The following LTBP1 variants were observed in gnomAD, a reference collection of about 807,000 sequenced individuals.
The protein encoded by LTBP1 is latent transforming growth factor beta binding protein 1.
LTBP1 carries 129 observed loss-of-function variants against 207.6 expected under a neutral mutation model. That is an observed-to-expected ratio of 0.62 (90% confidence interval 0.54 to 0.72). The LOEUF is 0.72. Ranked by LOEUF, LTBP1 falls within the 30% of genes least tolerant of loss-of-function variation. The probability of loss-of-function intolerance (pLI) is 0.00; values close to 1 mark genes in which losing one functional copy is unlikely to be tolerated. For missense variants in LTBP1, 2,281 were observed against 2,217.2 expected (o/e 1.03, Z -0.58); for synonymous variants, 963 against 833.7 (o/e 1.16, Z -2.67).
rs1686035335 is a variant in LTBP1 at position 33,001,302 on chromosome 2, CA to C, written c.566-19606del. On this transcript the variant is annotated intron_variant, in intron 2 of 33. Transcript: ENST00000404816. ...GCTGTGGCTTTCAAATATTTTTCTG[CA>C]CGAGAATCATCTGGAGAGCTTGTTA... is the stretch of plus-strand genomic sequence containing the variant. 1.5e-5 allele frequency among the ~76,000 whole-genome samples: 2 copies of C among 134,952 alleles called. 1 individual carries two copies. The highest frequency in any genetic ancestry group is 3.3e-5 in the Non-Finnish European group (2 of 61,378). 88.5% of individuals were successfully genotyped at this position (134,952 alleles called of 152,430 possible).
At chr2:33,138,594 CCTT>C (rs1485852966) in intron 5 of LTBP1, among the ~76,000 whole-genome samples, 7 of 152,018 alleles carry the variant, frequency 4.6e-5, no homozygotes, top group African/African-American at 1.4e-4. Flanking sequence ...ATGCAGATGA[CCTT>C]CTGGGATTTT....
intron 3 of LTBP1, among the ~76,000 whole-genome samples, chr2:33,082,747 C>T (rs1457143971): frequency 1.3e-5 from 2 of 152,056 alleles, no homozygotes; most frequent in African/African-American, 4.8e-5. Context: ...GATCATAACT[C>T]CGTTTATATT....
chr2:33,194,445 A>T (rs1248971691), intron 7 of LTBP1, among the ~76,000 whole-genome samples: 1 of 152,374 alleles, frequency 6.6e-6, no homozygotes, highest in Middle Eastern at 3.4e-3. Context: ...TACTCCAGAG[A>T]GTACATGAAT....
intron 3 of LTBP1, among the ~76,000 whole-genome samples, chr2:33,078,856 TC>T (rs1364575321): frequency 1.4e-4 from 9 of 62,072 alleles, no homozygotes; most frequent in Non-Finnish European, 3.5e-4. Flanking sequence ...TCTTTTCTTT[TC>T]TTTTCTTTTT....
chr2:33,088,281 A>G (rs1278564708), intron 3 of LTBP1, among the ~76,000 whole-genome samples: 2 of 152,084 alleles, frequency 1.3e-5, no homozygotes. Flanking sequence ...GCGAAACCCC[A>G]TTTCTACTAA....
chr2:33,073,251 A>G (rs1293470548), intron 3 of LTBP1, among the ~76,000 whole-genome samples: 5 of 151,114 alleles, frequency 3.3e-5, no homozygotes, highest in African/African-American at 9.7e-5. Flanking sequence ...ATTCTTTTGT[A>G]TGTAATCACA....
chr2:33,107,723 A>G (rs1306047838), intron 3 of LTBP1, among the ~76,000 whole-genome samples: 3 of 152,090 alleles, frequency 2.0e-5, no homozygotes, highest in South Asian at 2.1e-4. Flanking sequence ...TTAATTTCTT[A>G]CCTGTAACTT....
chr2:33,357,647 G>T (rs534723057), intron 26 of LTBP1, among the ~76,000 whole-genome samples: 3 of 152,148 alleles, frequency 2.0e-5, no homozygotes, highest in Admixed American at 2.0e-4. Context: ...GAACTTTCTT[G>T]TTGTTACCGG....
intron 2 of LTBP1, among the ~76,000 whole-genome samples, chr2:32,974,303 G>C (rs1681371488): frequency 6.6e-6 from 1 of 151,674 alleles, no homozygotes; most frequent in Non-Finnish European, 1.5e-5. Context: ...ACTGGGGTGA[G>C]ATGATATCTC....
chr2:33,141,853 A>T (rs916027096), intron 5 of LTBP1, among the ~76,000 whole-genome samples: 21 of 152,096 alleles, frequency 1.4e-4, no homozygotes, highest in African/African-American at 5.1e-4. Flanking sequence ...GGGTTCATCG[A>T]CCTGCTTTGT....
intron 2 of LTBP1, among the ~76,000 whole-genome samples, chr2:32,965,503 T>G (rs1679827436): frequency 6.6e-6 from 1 of 152,212 alleles, no homozygotes; most frequent in African/African-American, 2.4e-5. Context: ...GTCTAAACCC[T>G]GACAACCACT....
At position 32,970,021 on chromosome 2, in the gene LTBP1, A is replaced by G. The variant is rs60895706; in HGVS notation, c.565+21076A>G. ...TTGATTTGTATTTCTCTAATGATTAATGATGGTGAGCATTTTTCATGATTG... is the reference window on the plus strand; with the variant it reads ...TTGATTTGTATTTCTCTAATGATTAGTGATGGTGAGCATTTTTCATGATTG... On this transcript the variant is annotated intron_variant, in intron 2 of 33. Transcript: ENST00000404816. Among the ~76,000 whole-genome samples the G allele has an allele frequency of 3.8e-3, 575 of 152,290 alleles. 3 individuals carry two copies. Among genetic ancestry groups the G allele is most frequent in the African/African-American group, 0.013 (556 of 41,562 alleles).
At chr2:33,229,603 TAGA>T (rs1219350798) in intron 9 of LTBP1, among the ~76,000 whole-genome samples, 1 of 152,276 alleles carries the variant, frequency 6.6e-6, no homozygotes, top group African/African-American at 2.4e-5. Flanking sequence ...TTAGAAGTGA[TAGA>T]AGTGCAAATT....
chr2:32,970,980 G>T (rs1195900253), intron 2 of LTBP1, among the ~76,000 whole-genome samples: 9 of 148,532 alleles, frequency 6.1e-5, no homozygotes, highest in Non-Finnish European at 1.5e-5. Context: ...TTATCTCCCT[G>T]GTTAGCTGTA....
chr2:33,111,331 G>A (rs2080386276), intron 4 of LTBP1, among the ~76,000 whole-genome samples: 1 of 152,198 alleles, frequency 6.6e-6, no homozygotes, highest in Admixed American at 6.5e-5. Flanking sequence ...GGAATGTGAT[G>A]ATTTGTGGTT....
intron 31 of LTBP1, among the ~76,000 whole-genome samples, chr2:33,373,584 C>G (rs940758798): frequency 3.4e-4 from 52 of 152,144 alleles, no homozygotes; most frequent in African/African-American, 1.2e-3. Flanking sequence ...TATTCATACT[C>G]CTTTAAATAA....
intron 7 of LTBP1, among the ~76,000 whole-genome samples, chr2:33,197,349 G>T (rs947483213): frequency 2.0e-5 from 3 of 152,158 alleles, no homozygotes; most frequent in Admixed American, 2.0e-4. Flanking sequence ...GAAAACATTT[G>T]CAAGAGTTTG....
chr2:33,044,918 A>AGTGTCT (rs922408074), intron 3 of LTBP1, among the ~76,000 whole-genome samples: 3 of 151,926 alleles, frequency 2.0e-5, no homozygotes, highest in African/African-American at 7.3e-5. Context: ...TCTTTAGAGA[A>AGTGTCT]GTGTCTGTTC....
chr2:33,133,089 G>T (rs143795785), intron 4 of LTBP1, among the ~76,000 whole-genome samples: 252 of 152,242 alleles, frequency 1.7e-3, no homozygotes, highest in Non-Finnish European at 3.0e-3. Flanking sequence ...CTTGATACGT[G>T]GAATGCAAAC....
Sources: gnomAD v4.1 joint callset for allele counts (sites outside exome capture counted in the v4.1 genomes callset) on GRCh38, gnomAD v4.1.1 for gene constraint, MANE v1.5 for transcripts, NCBI Gene and HGNC (gene_info 2026-07-23, HGNC 2026-07-21) for gene names.